Variants in BEND6 observed in about 807,000 individuals in gnomAD.
BEND6 encodes the protein BEN domain containing 6.
BEND6 carries 24 observed loss-of-function variants against 31.8 expected under a neutral mutation model. The observed-to-expected ratio is 0.75, with a 90% CI of 0.55 to 1.06. The LOEUF is 1.06. BEND6 is among the 50% of genes least tolerant of loss of function. The pLI is 0.00. For synonymous variants in BEND6, 109 were observed against 114.6 expected, an observed-to-expected ratio of 0.95 and a Z score of 0.31; for missense variants, 294 against 327.4, an observed-to-expected ratio of 0.90 and a Z score of 0.79.
chr6:56,997,593 G>T (rs571330476), intron 3 of BEND6, among the ~76,000 whole-genome samples: 13 of 152,114 alleles, frequency 8.5e-5, no homozygotes, highest in East Asian at 7.7e-4. Flanking sequence ...TCACTCTGTC[G>T]CCCAGACTGC....
At chr6:56,978,387 T>C (rs1825962650) in intron 1 of BEND6, among the ~76,000 whole-genome samples, 2 of 152,140 alleles carry the variant, frequency 1.3e-5, no homozygotes, top group African/African-American at 4.8e-5. Flanking sequence ...TTAAAACATT[T>C]TTCCCCTCTA....
chr6:57,005,550 G>C (rs1736867088), intron 3 of BEND6, among the ~76,000 whole-genome samples: 1 of 151,870 alleles, frequency 6.6e-6, no homozygotes, highest in African/African-American at 2.4e-5. Flanking sequence ...CATGGTGGCA[G>C]GTGTCTGTAA....
At chr6:56,969,804 TTAAACA>T (rs1470930159) in intron 1 of BEND6, among the ~76,000 whole-genome samples, 1 of 152,138 alleles carries the variant, frequency 6.6e-6, no homozygotes, top group Non-Finnish European at 1.5e-5. Flanking sequence ...TTTGTTAAAA[TTAAACA>T]TAAATGCATT....
At chr6:57,008,470 T>A (rs748369685) in intron 3 of BEND6, 1 of 465,388 alleles carries the variant, frequency 2.1e-6, no homozygotes. Flanking sequence ...CAGACCTGTC[T>A]GTGTGACTGT....
intron 3 of BEND6, among the ~76,000 whole-genome samples, chr6:56,996,355 G>A (rs550364888): frequency 2.6e-5 from 4 of 152,128 alleles, no homozygotes; most frequent in South Asian, 2.1e-4. Flanking sequence ...GCTGAGGCAC[G>A]AGAATTGCTT....
chr6:56,988,085 C>T (rs891341900), intron 2 of BEND6, among the ~76,000 whole-genome samples: 1 of 149,102 alleles, frequency 6.7e-6, no homozygotes, highest in Non-Finnish European at 1.5e-5. Flanking sequence ...GGCATGATCT[C>T]GGCTCATTAC....
chr6:56,962,098 G>A (rs1003147654), intron 1 of BEND6, among the ~76,000 whole-genome samples: 1 of 152,158 alleles, frequency 6.6e-6, no homozygotes, highest in Non-Finnish European at 1.5e-5. Flanking sequence ...TTATAAAAGA[G>A]CTAGTTCAGC....
chr6:56,975,693 G>T, intron 1 of BEND6: 1 of 445,914 alleles, frequency 2.2e-6, no homozygotes, highest in South Asian at 2.0e-5. Flanking sequence ...TTAATGAATA[G>T]AAGAAGAAAT....
chr6:57,003,807 C>A (rs984395685), intron 3 of BEND6, among the ~76,000 whole-genome samples: 6 of 152,130 alleles, frequency 3.9e-5, no homozygotes, highest in African/African-American at 1.4e-4. Flanking sequence ...TCAAATCAAA[C>A]AGCACATCAA....
intron 4 of BEND6, 47 bp from the exon 5 acceptor site, chr6:57,017,160 A>T: frequency 6.8e-7 from 1 of 1,460,828 alleles, no homozygotes; most frequent in East Asian, 2.6e-5. Flanking sequence ...ATATTTCTCC[A>T]TACAGCACTT....
chr6:57,012,583 A>G (rs529178416), intron 3 of BEND6, among the ~76,000 whole-genome samples: 24 of 152,226 alleles, frequency 1.6e-4, no homozygotes, highest in Non-Finnish European at 2.5e-4. Context: ...AATTGTATGT[A>G]AATTAGGCCT....
chr6:56,986,674 G>A (rs1413652430), intron 2 of BEND6, among the ~76,000 whole-genome samples: 1 of 152,158 alleles, frequency 6.6e-6, no homozygotes, highest in African/African-American at 2.4e-5. Context: ...AAGCCTCAAT[G>A]AATTCTAAAT....
At position 56,968,312 on chromosome 6, in the gene BEND6, C is replaced by CTTTTTT. The variant is rs779756084; in HGVS notation, c.-101+12873_-101+12878dup. Reference sequence around the variant, plus strand: ...TTCTTTTTCTTTCTTTCTTTCTTTTCTTTTTTTTTTTTTTTTTTTTTTTTT... The same window carrying CTTTTTT: ...TTCTTTTTCTTTCTTTCTTTCTTTTCTTTTTTTTTTTTTTTTTTTTTTTTTTTTTTT... On this transcript the variant is annotated intron_variant, in intron 1 of 6. Coordinates refer to ENST00000370746, the MANE Select transcript of BEND6 (RefSeq NM_152731.3). 1.3e-3 allele frequency among the ~76,000 whole-genome samples: 86 copies of CTTTTTT among 65,992 alleles called. 2 individuals carry two copies. The highest frequency in any genetic ancestry group is 0.019 in the Middle Eastern group (1 of 52). 43.3% of individuals were successfully genotyped at this position (65,992 alleles called of 152,430 possible).
At position 56,981,822 on chromosome 6, in the gene BEND6, C is replaced by G; in HGVS notation, c.12C>G (p.Ile4Met). Residue 4 changes from isoleucine (I) to methionine (M), a missense_variant, in exon 2 of 7, where the codon ATC (isoleucine) becomes ATG (methionine). Physicochemically the swap from Ile to Met is conservative, Grantham distance 10 (BLOSUM62 1). Coordinates refer to ENST00000370746, the MANE Select transcript of BEND6 (RefSeq NM_152731.3). ...AACTAATTGAGAAAATGCAGAAGATCGTGCAGACAGATGAAATTACCAATA... is the reference window on the plus strand; with the variant it reads ...AACTAATTGAGAAAATGCAGAAGATGGTGCAGACAGATGAAATTACCAATA... MQKIVQTDEITNTQ... is the reference protein window; with the variant it reads MQKMVQTDEITNTQ... The G allele has an allele frequency of 6.2e-7, 1 of 1,611,608 alleles. No individual in the cohort carries two copies. Among genetic ancestry groups the G allele is most frequent in the African/African-American group, 1.3e-5 (1 of 74,852 alleles).
In BEND6 at chr6:57,003,540, CAAA is replaced by C. The variant is rs918859916; in HGVS notation, c.298+10988_298+10990del. ...ACAACAACAACAACAACAACAACAA[CAAA>C]AACTACCAATCAAAAAAAACCCAGA... On this transcript the variant is annotated intron_variant, in intron 3 of 6. Transcript: ENST00000370746. 2.8e-4 allele frequency among the ~76,000 whole-genome samples: 43 copies of C among 151,774 alleles called. 1 individual carries two copies. Among genetic ancestry groups the C allele is most frequent in the Admixed American group, 1.2e-3 (19 of 15,238 alleles).
At chr6:56,975,837 C>A in intron 1 of BEND6, 1 of 529,162 alleles carries the variant, frequency 1.9e-6, no homozygotes. Context: ...GCCAAGAAAG[C>A]TACTGACCTC....
Position 57,018,490 on chromosome 6 carries a change from A to G in BEND6, c.782A>G (p.Asn261Ser). 6.3e-7 allele frequency: 1 copy of G among 1,589,924 alleles called. No individual in the cohort carries two copies. Among genetic ancestry groups the G allele is most frequent in the Non-Finnish European group, 8.5e-7 (1 of 1,171,810 alleles). ...AGGAGAATGATAGGGCAAAAGCTAA[A>G]CAACTGTACCAAGAAGCCAAATTTA... ...SIRRMIGQKLNNCTKKPNLSK... is the reference protein window; with the variant it reads ...SIRRMIGQKLSNCTKKPNLSK... The change falls in exon 6 of 7, where the codon AAC (asparagine) becomes AGC (serine). Residue 261 changes from asparagine (N) to serine (S), a missense_variant. Coordinates refer to ENST00000370746, the MANE Select transcript of BEND6 (RefSeq NM_152731.3).
intron 2 of BEND6, among the ~76,000 whole-genome samples, chr6:56,982,566 T>C (rs1826108816): frequency 6.6e-6 from 1 of 152,190 alleles, no homozygotes; most frequent in Non-Finnish European, 1.5e-5. Flanking sequence ...TATTTCTGTA[T>C]CTTTTTATTT....
At chr6:56,968,304 T>C (rs1825557917) in intron 1 of BEND6, among the ~76,000 whole-genome samples, 1 of 139,968 alleles carries the variant, frequency 7.1e-6, no homozygotes, top group Admixed American at 7.7e-5. Context: ...TCTTTCTTTC[T>C]TTCTTTTCTT....
Sources: gnomAD v4.1 joint callset for allele counts (sites outside exome capture counted in the v4.1 genomes callset) on GRCh38, gnomAD v4.1.1 for gene constraint, MANE v1.5 for transcripts, NCBI Gene and HGNC (gene_info 2026-07-23, HGNC 2026-07-21) for gene names.